CREB1: variants seen among roughly 807,000 people sequenced by gnomAD.
CREB1 encodes cAMP responsive element binding protein 1.
In CREB1, 2 loss-of-function variants were observed where a neutral mutation model predicts 42.0. The ratio of observed to expected loss-of-function variants is 0.05; its 90% CI spans 0.02 to 0.15. CREB1 has a LOEUF of 0.15. CREB1 is among the 10% of genes least tolerant of loss of function. CREB1 has a pLI of 1.00. For synonymous variants in CREB1, 123 were observed against 139.9 expected (o/e 0.88, Z 0.85); for missense variants, 199 against 388.9 (o/e 0.51, Z 4.11).
chr2:207,584,661 C>T (rs927201212), intron 7 of CREB1, among the ~76,000 whole-genome samples: 1 of 152,200 alleles, frequency 6.6e-6, no homozygotes, highest in East Asian at 1.9e-4. Flanking sequence ...CTCGGCCTCC[C>T]AAAATGCTGG....
At chr2:207,533,975 A>G (rs987424962) in intron 1 of CREB1, among the ~76,000 whole-genome samples, 1 of 152,328 alleles carries the variant, frequency 6.6e-6, no homozygotes, top group Admixed American at 6.5e-5. Flanking sequence ...GAATACTACT[A>G]CTTATTTCAT....
rs147527607 is a variant in CREB1 at position 207,539,571 on chromosome 2, G to A, written c.-9+9437G>A. Among the ~76,000 whole-genome samples the A allele has an allele frequency of 1.9e-4, 29 of 152,244 alleles. No individual in the cohort carries two copies. The East Asian group carries it at 5.4e-3, about 28-fold the overall frequency. ...AATACCTAGGTATTAAATGAAGATTGTTCTAGTTGATATAAGCAATAAAGC... is the reference window on the plus strand; with the variant it reads ...AATACCTAGGTATTAAATGAAGATTATTCTAGTTGATATAAGCAATAAAGC... On this transcript the variant is annotated intron_variant, in intron 1 of 7. Coordinates refer to ENST00000353267, the MANE Select transcript of CREB1 (RefSeq NM_004379.5).
rs565697712 is a variant in CREB1, at chr2:207,568,950, C to A, written c.363-1229C>A. Among the ~76,000 whole-genome samples the A allele has an allele frequency of 3.3e-5, 5 of 152,122 alleles. No individual in the cohort carries two copies. In the East Asian group the frequency reaches 9.7e-4, roughly 29 times the overall value. ...TTCCTTCTGTCGTTTTCATTTCTTT[C>A]CTACCCATCCCCAGTAAATAGCTAA... is the stretch of plus-strand genomic sequence containing the variant. On this transcript the variant is annotated intron_variant, in intron 4 of 7. Transcript: ENST00000353267.
In CREB1 at chr2:207,602,903, A is replaced by G. The variant is rs1255138160; in HGVS notation, c.*5845A>G. The G allele has an allele frequency of 4.6e-6, 1 of 216,888 alleles. No homozygotes were observed. The highest frequency in any genetic ancestry group is 6.8e-5 in the East Asian group (1 of 14,642). The allele number at this position is 216,888 out of a possible 1,614,324, so 13.4% of individuals were successfully genotyped here. A position where few individuals can be genotyped will look rare whatever the true frequency, so the allele number is the denominator to read the frequency against. On this transcript the variant is annotated 3_prime_UTR_variant, in exon 8 of 8. Coordinates refer to ENST00000353267, the MANE Select transcript of CREB1 (RefSeq NM_004379.5). ...GTTGTAACTCCCCCACTCCCTGCAA[A>G]AGGAATTATTTCTAACCCAGATGTA...
At chr2:207,540,116 C>T (rs189378057) in intron 1 of CREB1, among the ~76,000 whole-genome samples, 1 of 152,262 alleles carries the variant, frequency 6.6e-6, no homozygotes, top group East Asian at 1.9e-4. Flanking sequence ...ATTGCATATA[C>T]AACAGTGGTC....
chr2:207,531,411 TAAGCCAC>T (rs1490261436), intron 1 of CREB1, among the ~76,000 whole-genome samples: 1 of 152,260 alleles, frequency 6.6e-6, no homozygotes, highest in Non-Finnish European at 1.5e-5. Flanking sequence ...ATTGACAATT[TAAGCCAC>T]AAGCTGTATT....
At chr2:207,566,277 T>A (rs2082134658) in intron 3 of CREB1, among the ~76,000 whole-genome samples, 1 of 152,206 alleles carries the variant, frequency 6.6e-6, no homozygotes, top group African/African-American at 2.4e-5. Flanking sequence ...TTGGAATTTC[T>A]CAAGTACTTC....
Position 207,533,393 on chromosome 2 carries a change from G to C in CREB1, c.-9+3259G>C, listed in dbSNP as rs72956023. On this transcript the variant is annotated intron_variant, in intron 1 of 7. Transcript: ENST00000353267. Reference sequence around the variant, plus strand: ...CATTCTAAGACATTTGGTTTTGTTTGTTTGGATACAGTATGGTTATGGGGT... The same window carrying C: ...CATTCTAAGACATTTGGTTTTGTTTCTTTGGATACAGTATGGTTATGGGGT... Among the ~76,000 whole-genome samples, 1,076 of 152,110 alleles carry C rather than the reference G, an allele frequency of 7.1e-3. 4 individuals are homozygous for C. Among genetic ancestry groups the C allele is most frequent in the Non-Finnish European group, 0.012 (791 of 67,962 alleles).
intron 1 of CREB1, among the ~76,000 whole-genome samples, chr2:207,535,954 G>C (rs1455171163): frequency 6.6e-6 from 1 of 151,906 alleles, no homozygotes; most frequent in Non-Finnish European, 1.5e-5. Flanking sequence ...CTGAGTGAGT[G>C]GGACAACAGG....
intron 4 of CREB1, among the ~76,000 whole-genome samples, 190 bp from the exon 5 acceptor site, chr2:207,569,989 C>T (rs2082293082): frequency 6.7e-6 from 1 of 149,048 alleles, no homozygotes; most frequent in Non-Finnish European, 1.5e-5. Context: ...TTGCAGTGAA[C>T]CAAGATCGCG....
In CREB1 at chr2:207,601,432, GA is replaced by G. The variant is rs1381444423; in HGVS notation, c.*4379del. On this transcript the variant is annotated 3_prime_UTR_variant, in exon 8 of 8. Transcript: ENST00000353267. ...GCTAGCCTTAAAAACAGCTGTAAAAGAAAAACATCAGGAAATTAGATATGAC... is the reference window on the plus strand; with the variant it reads ...GCTAGCCTTAAAAACAGCTGTAAAAGAAAACATCAGGAAATTAGATATGAC... 5.3e-6 allele frequency: 1 copy of G among 189,422 alleles called. No individual in the cohort carries two copies. The highest frequency in any genetic ancestry group is 1.1e-5 in the Non-Finnish European group (1 of 90,234). The allele number at this position is 189,422 out of a possible 1,614,324, so 11.7% of individuals were successfully genotyped here.
rs184622089 is a variant in CREB1 at position 207,548,523 on chromosome 2, G to T, written c.-8-7105G>T. On this transcript the variant is annotated intron_variant, in intron 1 of 7. Coordinates refer to ENST00000353267, the MANE Select transcript of CREB1 (RefSeq NM_004379.5). The stretch of plus-strand genomic sequence containing the variant: ...CCCAGCACTTTGGGAGGCTGATGCG[G>T]GTAGATCACCTAAGGTCAGGAGTTT... Among the ~76,000 whole-genome samples, 3 of 152,232 alleles carry T rather than the reference G, an allele frequency of 2.0e-5. No homozygotes were observed. In the East Asian group the frequency reaches 5.8e-4, roughly 29 times the overall value.
At chr2:207,540,263 G>T (rs963790660) in intron 1 of CREB1, among the ~76,000 whole-genome samples, 1 of 152,172 alleles carries the variant, frequency 6.6e-6, no homozygotes, top group African/African-American at 2.4e-5. Context: ...AGTGGGACAC[G>T]TTGTGGAGGT....
At chr2:207,530,895 T>TCTGC (rs1477517160) in intron 1 of CREB1, among the ~76,000 whole-genome samples, 1 of 151,830 alleles carries the variant, frequency 6.6e-6, no homozygotes, top group East Asian at 1.9e-4. Context: ...AATGCTGCTT[T>TCTGC]CTGCCCTGTG....
chr2:207,576,241 C>CTTTTTTTTTTT (rs35735523), intron 6 of CREB1, among the ~76,000 whole-genome samples: 1 of 101,078 alleles, frequency 9.9e-6, no homozygotes, highest in African/African-American at 3.8e-5. Context: ...CTTTTTTTGG[C>CTTTTTTTTTTT]TTTTTTTTTT....
intron 1 of CREB1, among the ~76,000 whole-genome samples, chr2:207,545,795 G>A (rs1006896065): frequency 6.7e-5 from 10 of 149,286 alleles, no homozygotes; most frequent in African/African-American, 1.5e-4. Context: ...GTGCAATGGC[G>A]CAATCTCGGC....
At chr2:207,588,895 G>T (rs1203895989) in intron 7 of CREB1, among the ~76,000 whole-genome samples, 2 of 143,664 alleles carry the variant, frequency 1.4e-5, no homozygotes, top group African/African-American at 2.6e-5. Context: ...TTGTCGGGGG[G>T]GGTGTAGATT....
intron 7 of CREB1, among the ~76,000 whole-genome samples, chr2:207,589,949 T>TA (rs1574976960): frequency 6.6e-6 from 1 of 152,298 alleles, no homozygotes; most frequent in East Asian, 1.9e-4. Context: ...GCTGACCTTA[T>TA]AAATGAGGTG....
intron 3 of CREB1, among the ~76,000 whole-genome samples, chr2:207,567,205 T>G (rs1378055868): frequency 6.6e-6 from 1 of 152,112 alleles, no homozygotes; most frequent in Admixed American, 6.5e-5. Context: ...TAAGTAATAC[T>G]GATGCATTCA....
Sources: allele counts gnomAD v4.1 joint callset (sites outside exome capture counted in the v4.1 genomes callset), GRCh38; gene constraint gnomAD v4.1.1; transcripts MANE v1.5; gene names NCBI Gene and HGNC (gene_info 2026-07-23, HGNC 2026-07-21).